The following PLCXD2 variants were observed in gnomAD, a reference collection of about 807,000 sequenced individuals.
PLCXD2 encodes the protein phosphatidylinositol specific phospholipase C X domain containing 2.
In PLCXD2, 21 loss-of-function variants were observed where a neutral mutation model predicts 28.6. That is an observed-to-expected ratio of 0.73 (90% CI 0.52 to 1.06). The LOEUF (loss-of-function observed/expected upper bound fraction) is 1.06. Ranked by LOEUF, PLCXD2 falls within the 50% of genes least tolerant of loss-of-function variation. The pLI is 0.00. For missense variants in PLCXD2, 369 were observed against 376.7 expected, an observed-to-expected ratio of 0.98 and a Z score of 0.17; for synonymous variants, 140 against 150.1, an observed-to-expected ratio of 0.93 and a Z score of 0.49.
At chr3:111,680,870 G>T (rs992265097) in intron 1 of PLCXD2, among the ~76,000 whole-genome samples, 1 of 152,126 alleles carries the variant, frequency 6.6e-6, no homozygotes, top group African/African-American at 2.4e-5. Flanking sequence ...ATTTCTTAGT[G>T]TGAGAAATAA....
At chr3:111,679,957 G>GA (rs1940687594) in intron 1 of PLCXD2, among the ~76,000 whole-genome samples, 1 of 152,088 alleles carries the variant, frequency 6.6e-6, no homozygotes, top group South Asian at 2.1e-4. Flanking sequence ...CCACTGACCT[G>GA]ACCTGGTCTC....
At chr3:111,687,768 C>G (rs1940816729) in intron 1 of PLCXD2, among the ~76,000 whole-genome samples, 1 of 151,504 alleles carries the variant, frequency 6.6e-6, no homozygotes, top group East Asian at 1.9e-4. Context: ...CTCACTGAAG[C>G]CTCAACCTCC....
chr3:111,722,004 T>A (rs1025195912), intron 3 of PLCXD2: 1 of 152,204 alleles, frequency 6.6e-6, no homozygotes, highest in Non-Finnish European at 1.5e-5. Context: ...GACTCGTGTG[T>A]CACCAAGTGA....
intron 1 of PLCXD2, among the ~76,000 whole-genome samples, chr3:111,697,250 A>G (rs1940973561): frequency 6.6e-6 from 1 of 152,336 alleles, no homozygotes; most frequent in South Asian, 2.1e-4. Context: ...TGTTACATCC[A>G]TAGTTCAGCT....
chr3:111,698,547 G>A (rs2107853527), intron 1 of PLCXD2, among the ~76,000 whole-genome samples: 1 of 152,290 alleles, frequency 6.6e-6, no homozygotes, highest in South Asian at 2.1e-4. Flanking sequence ...ATGATTTGTT[G>A]GTAGTCCTGG....
chr3:111,681,479 A>T (rs1483938502), intron 1 of PLCXD2, among the ~76,000 whole-genome samples: 1 of 152,104 alleles, frequency 6.6e-6, no homozygotes, highest in East Asian at 1.9e-4. Context: ...CTTTGAACAA[A>T]TCCTTATACA....
chr3:111,691,231 T>G (rs1940871983), intron 1 of PLCXD2: 1 of 152,256 alleles, frequency 6.6e-6, no homozygotes, highest in Non-Finnish European at 1.5e-5. Flanking sequence ...GTTATTTCTT[T>G]GCAATGATGA....
intron 1 of PLCXD2, among the ~76,000 whole-genome samples, chr3:111,679,839 A>T (rs1940685879): frequency 6.6e-6 from 1 of 152,104 alleles, no homozygotes; most frequent in Admixed American, 6.5e-5. Context: ...TTCACCCAAC[A>T]TCCCTCCTGC....
At chr3:111,715,570 C>G (rs549176575) in intron 3 of PLCXD2, among the ~76,000 whole-genome samples, 29 of 152,312 alleles carry the variant, frequency 1.9e-4, no homozygotes, top group Non-Finnish European at 3.5e-4. Context: ...TAAGTTATAT[C>G]TGTATACCAT....
intron 1 of PLCXD2, among the ~76,000 whole-genome samples, chr3:111,679,774 G>A (rs75332120): frequency 0.022 from 3,390 of 152,252 alleles, 138 homozygotes; most frequent in African/African-American, 0.077. Context: ...GCTGAAAATG[G>A]TCGCAAGAGT....
intron 1 of PLCXD2, among the ~76,000 whole-genome samples, chr3:111,682,391 A>G (rs373538608): frequency 6.6e-5 from 10 of 152,348 alleles, no homozygotes; most frequent in Middle Eastern, 3.4e-3. Context: ...AAAATTTTCT[A>G]AGAAAATAAC....
At position 111,675,068 on chromosome 3, in the gene PLCXD2, G is replaced by T. The variant is rs1369131314; in HGVS notation, c.-178G>T. ...AGCGGAGGCTGGGCCGGAGAGAGTG[G>T]GGACTGTGAGTGCTAGTGGGTAAGG... On this transcript the variant is annotated 5_prime_UTR_variant, in exon 1 of 5. Transcript: ENST00000477665. The T allele has an allele frequency of 9.3e-6, 6 of 645,186 alleles. No individual in the cohort carries two copies. Among genetic ancestry groups the T allele is most frequent in the African/African-American group, 1.8e-5 (1 of 54,654 alleles). The allele number at this position is 645,186 out of a possible 1,614,324, so 40.0% of individuals were successfully genotyped here. A position where few individuals can be genotyped will look rare whatever the true frequency, so the allele number is the denominator to read the frequency against.
chr3:111,708,974 G>A (rs946320007), intron 2 of PLCXD2, among the ~76,000 whole-genome samples: 2 of 151,600 alleles, frequency 1.3e-5, no homozygotes, highest in Admixed American at 1.3e-4. Context: ...GCCAGCCTAG[G>A]ACCATGAGGG....
At position 111,675,160 on chromosome 3, in the gene PLCXD2, C is replaced by T; in HGVS notation, c.-86C>T. The T allele has an allele frequency of 1.3e-6, 2 of 1,496,412 alleles. No homozygotes were observed. Among genetic ancestry groups the T allele is most frequent in the East Asian group, 4.6e-5 (2 of 43,564 alleles). 92.7% of individuals were successfully genotyped at this position (1,496,412 alleles called of 1,614,324 possible). A position where few individuals can be genotyped will look rare whatever the true frequency, so the allele number is the denominator to read the frequency against. The stretch of plus-strand genomic sequence containing the variant: ...GGAAAGACTGGCGTGGCAAGCGTCG[C>T]CCTGAAACGTCCACAGAGCCCAAGA... On this transcript the variant is annotated 5_prime_UTR_variant, in exon 1 of 5. Transcript: ENST00000477665.
intron 1 of PLCXD2, among the ~76,000 whole-genome samples, chr3:111,687,911 G>C (rs1040609845): frequency 1.3e-5 from 2 of 151,926 alleles, no homozygotes; most frequent in African/African-American, 4.8e-5. Context: ...GAGCTCAAGC[G>C]ATCCTCTCGC....
intron 1 of PLCXD2, among the ~76,000 whole-genome samples, chr3:111,687,340 G>C (rs1212786367): frequency 1.3e-5 from 2 of 152,178 alleles, no homozygotes; most frequent in Admixed American, 1.3e-4. Context: ...ACAGACTAAT[G>C]ATGGTAATTA....
At chr3:111,695,188 T>C (rs1350657441) in intron 1 of PLCXD2, among the ~76,000 whole-genome samples, 1 of 151,650 alleles carries the variant, frequency 6.6e-6, no homozygotes, top group Admixed American at 6.6e-5. Context: ...AAAATCTTGT[T>C]GAAACATTTT....
chr3:111,717,664 TG>T (rs1469458159), intron 3 of PLCXD2, among the ~76,000 whole-genome samples: 1 of 152,212 alleles, frequency 6.6e-6, no homozygotes, highest in African/African-American at 2.4e-5. Context: ...GAGGAGGCTC[TG>T]GCTGCAGTGA....
At chr3:111,704,935 C>T (rs1941096419) in intron 1 of PLCXD2, among the ~76,000 whole-genome samples, 1 of 151,992 alleles carries the variant, frequency 6.6e-6, no homozygotes. Context: ...GCCTCAGCCT[C>T]CCAAGTAGCT....
Sources: allele counts gnomAD v4.1 joint callset (sites outside exome capture counted in the v4.1 genomes callset), GRCh38; gene constraint gnomAD v4.1.1; transcripts MANE v1.5; gene names NCBI Gene and HGNC (gene_info 2026-07-23, HGNC 2026-07-21).